MICAL3: variants seen among roughly 807,000 people sequenced by gnomAD.
MICAL3 encodes the protein [F-actin]-monooxygenase MICAL3.
A neutral mutation model predicts 207.4 loss-of-function variants in MICAL3; 62 were observed. That is an observed-to-expected ratio of 0.30 (90% CI 0.24 to 0.37). MICAL3 has a LOEUF of 0.37. Among genes scored for constraint, MICAL3 ranks in the 10% least tolerant of loss-of-function variants. MICAL3 has a pLI of 1.00. For synonymous variants in MICAL3, 1,077 were observed against 1,069.3 expected, an observed-to-expected ratio of 1.01 and a Z score of -0.14; for missense variants, 2,368 against 2,635.6, an observed-to-expected ratio of 0.90 and a Z score of 2.22.
At chr22:17,985,636 C>T (rs895393610) in intron 1 of MICAL3, among the ~76,000 whole-genome samples, 1 of 152,044 alleles carries the variant, frequency 6.6e-6, no homozygotes, top group Non-Finnish European at 1.5e-5. Context: ...AATTTTATTC[C>T]CAGTAGGCCC....
intron 16 of MICAL3, among the ~76,000 whole-genome samples, chr22:17,884,777 A>G (rs2146215352): frequency 6.6e-6 from 1 of 152,310 alleles, no homozygotes; most frequent in African/African-American, 2.4e-5. Flanking sequence ...GAGCCTCCAG[A>G]CAACCACAAC....
intron 11 of MICAL3, 115 bp downstream of exon 11, chr22:17,893,691 ACT>A: frequency 4.1e-6 from 3 of 723,896 alleles, no homozygotes; most frequent in Non-Finnish European, 7.0e-6. Context: ...GTTGAGAGCC[ACT>A]GTCTCAGACA....
intron 1 of MICAL3, among the ~76,000 whole-genome samples, chr22:17,979,412 C>T (rs1935804247): frequency 6.6e-6 from 1 of 151,132 alleles, no homozygotes. Flanking sequence ...GGGAGTGGTG[C>T]TGGGCGCCTG....
At chr22:17,985,321 T>G (rs418930) in intron 1 of MICAL3, among the ~76,000 whole-genome samples, 58 of 151,892 alleles carry the variant, frequency 3.8e-4, no homozygotes, top group African/African-American at 1.4e-3. Flanking sequence ...TCTTTCAGTA[T>G]TCACCTTGAC....
chr22:17,903,064 T>G (rs1931448870), intron 3 of MICAL3, among the ~76,000 whole-genome samples: 1 of 152,192 alleles, frequency 6.6e-6, no homozygotes, highest in Non-Finnish European at 1.5e-5. Flanking sequence ...TCTTCCCAAT[T>G]TGGGGCTGCC....
chr22:17,829,478 C>T (rs972206421), intron 21 of MICAL3, among the ~76,000 whole-genome samples: 6 of 152,266 alleles, frequency 3.9e-5, no homozygotes, highest in Middle Eastern at 3.4e-3. Context: ...CGTCAATTTG[C>T]CTTTCTTTAT....
At chr22:17,891,464 C>G in intron 12 of MICAL3, 21 bp downstream of exon 12, 2 of 1,612,482 alleles carry the variant, frequency 1.2e-6, no homozygotes, top group Non-Finnish European at 1.7e-6. Flanking sequence ...TAAAAAAACA[C>G]AAAGTTTGAT....
At chr22:17,977,701 A>C (rs1169497717) in intron 1 of MICAL3, among the ~76,000 whole-genome samples, 2 of 152,024 alleles carry the variant, frequency 1.3e-5, no homozygotes, top group African/African-American at 4.8e-5. Flanking sequence ...CAGCAATTTC[A>C]CTCTTAGGTA....
chr22:18,009,896 A>AC lies in MICAL3; in HGVS notation c.-75+14384dup, dbSNP rs201017214. Among the ~76,000 whole-genome samples the AC allele has an allele frequency of 2.3e-5, 2 of 86,708 alleles. 1 individual carries two copies. Among genetic ancestry groups the AC allele is most frequent in the East Asian group, 5.0e-4 (2 of 4,002 alleles). 56.9% of individuals were successfully genotyped at this position (86,708 alleles called of 152,430 possible). A position where few individuals can be genotyped will look rare whatever the true frequency, so the allele number is the denominator to read the frequency against. On this transcript the variant is annotated intron_variant, in intron 1 of 31. Coordinates refer to ENST00000441493, the MANE Select transcript of MICAL3 (RefSeq NM_015241.3). Reference sequence around the variant, plus strand: ...AAAAAACTAATAATAAAAAAAAAAAACACTGGCTTCAAAATTACATGTGGT... The same window carrying AC: ...AAAAAACTAATAATAAAAAAAAAAAACCACTGGCTTCAAAATTACATGTGGT...
At chr22:17,912,663 G>A (rs73388417) in intron 1 of MICAL3, among the ~76,000 whole-genome samples, 3,090 of 152,158 alleles carry the variant, frequency 0.02, 118 homozygotes, top group African/African-American at 0.072. Flanking sequence ...ACTGATTTTT[G>A]TGTATTAACT....
intron 1 of MICAL3, chr22:18,019,763 G>T: frequency 4.6e-6 from 1 of 217,518 alleles, no homozygotes; most frequent in Non-Finnish European, 9.6e-6. Context: ...TTGGAATGCG[G>T]CTTTTTTGGA....
intron 20 of MICAL3, chr22:17,840,670 T>C (rs1013842274): frequency 6.6e-6 from 1 of 152,282 alleles, no homozygotes; most frequent in Admixed American, 6.5e-5. Context: ...GGTTTATAAA[T>C]GTGTTTTGAC....
intron 1 of MICAL3, among the ~76,000 whole-genome samples, chr22:17,990,862 A>G (rs996192566): frequency 7.2e-5 from 11 of 152,182 alleles, no homozygotes; most frequent in Non-Finnish European, 1.5e-4. Context: ...CCATATCCCA[A>G]TATAAGTGAG....
rs1288583755 is a variant in MICAL3 at position 17,845,029 on chromosome 22, ACT to A, written c.2606-3014_2606-3013del. Among the ~76,000 whole-genome samples, 7 of 152,322 alleles carry A rather than the reference ACT, an allele frequency of 4.6e-5. No homozygotes were observed. In the East Asian group the frequency reaches 1.2e-3, roughly 25 times the overall value. On this transcript the variant is annotated intron_variant, in intron 19 of 31. Transcript: ENST00000441493. The stretch of plus-strand genomic sequence containing the variant: ...ATGAACAGGGGAGGGCTGAGGATAC[ACT>A]GTCTGTGGCGCCATTTGATTCTTTC...
At chr22:17,850,186 G>C (rs563964035) in intron 19 of MICAL3, among the ~76,000 whole-genome samples, 2 of 152,140 alleles carry the variant, frequency 1.3e-5, no homozygotes, top group South Asian at 4.2e-4. Context: ...AGAGGCCAAA[G>C]AGGAAAAAAC....
chr22:17,922,090 A>G (rs949535404), intron 1 of MICAL3, among the ~76,000 whole-genome samples: 3 of 149,210 alleles, frequency 2.0e-5, no homozygotes, highest in Non-Finnish European at 4.5e-5. Flanking sequence ...CACTAAAGCG[A>G]CCCCGCCCAC....
At chr22:17,851,973 C>T (rs1392083714) in intron 19 of MICAL3, among the ~76,000 whole-genome samples, 2 of 152,136 alleles carry the variant, frequency 1.3e-5, no homozygotes, top group South Asian at 2.1e-4. Context: ...GGCTGACGTG[C>T]TTTCCCCAAG....
At chr22:17,836,609 G>A (rs1000298482) in intron 20 of MICAL3, among the ~76,000 whole-genome samples, 1 of 151,530 alleles carries the variant, frequency 6.6e-6, no homozygotes, top group African/African-American at 2.4e-5. Context: ...CCATGAAAGA[G>A]CAGGCTGCTG....
At chr22:17,907,292 C>T (rs1931805019) in intron 1 of MICAL3, among the ~76,000 whole-genome samples, 1 of 152,056 alleles carries the variant, frequency 6.6e-6, no homozygotes, top group South Asian at 2.1e-4. Context: ...GTTAGCCAGG[C>T]AGGGAAGAGG....
Sources: allele counts gnomAD v4.1 joint callset (sites outside exome capture counted in the v4.1 genomes callset), GRCh38; gene constraint gnomAD v4.1.1; transcripts MANE v1.5; gene names NCBI Gene and HGNC (gene_info 2026-07-23, HGNC 2026-07-21).